SCAPER: variants seen among roughly 807,000 people sequenced by gnomAD.
The protein encoded by SCAPER is S phase cyclin A-associated protein in the endoplasmic reticulum.
A neutral mutation model predicts 182.2 loss-of-function variants in SCAPER; 98 were observed. That is an observed-to-expected ratio of 0.54 (90% CI 0.46 to 0.64). SCAPER has a LOEUF of 0.64. Ranked by LOEUF, SCAPER falls within the 30% of genes least tolerant of loss-of-function variation. The pLI, the probability that SCAPER is intolerant of heterozygous loss-of-function variation, is 0.00. For synonymous variants in SCAPER, 605 were observed against 564.6 expected (o/e 1.07, Z -1.01); for missense variants, 1,432 against 1,690.0 (o/e 0.85, Z 2.68).
chr15:76,575,985 C>T (rs2047791064), intron 22 of SCAPER, among the ~76,000 whole-genome samples: 1 of 152,228 alleles, frequency 6.6e-6, no homozygotes, highest in Admixed American at 6.5e-5. Flanking sequence ...TATCATGTAA[C>T]ATGCTACTTT....
At chr15:76,664,361 G>A (rs1373510761) in intron 21 of SCAPER, among the ~76,000 whole-genome samples, 1 of 152,182 alleles carries the variant, frequency 6.6e-6, no homozygotes, top group Non-Finnish European at 1.5e-5. Flanking sequence ...AACATTTGCA[G>A]TTAGATTGGA....
At chr15:76,884,846 A>G (rs1366834348) in intron 1 of SCAPER, among the ~76,000 whole-genome samples, 1 of 152,244 alleles carries the variant, frequency 6.6e-6, no homozygotes, top group Non-Finnish European at 1.5e-5. Flanking sequence ...ACCAAAAAAA[A>G]GGAAGAAAGT....
intron 1 of SCAPER, among the ~76,000 whole-genome samples, 176 bp from the exon 2 acceptor site, chr15:76,884,052 A>G (rs1181782493): frequency 6.6e-6 from 1 of 152,208 alleles, no homozygotes; most frequent in Non-Finnish European, 1.5e-5. Context: ...CATGCTGAAC[A>G]AGACCTCAGT....
chr15:76,852,299 G>A (rs3110383), intron 4 of SCAPER, among the ~76,000 whole-genome samples: 146,575 of 152,264 alleles, frequency 0.96, 70,787 homozygotes, highest in East Asian at 1. Flanking sequence ...AAATTAACAA[G>A]GATATTCAGG....
chr15:76,357,188 A>ACACACACACACACACACCCC (rs774672151), intron 29 of SCAPER, among the ~76,000 whole-genome samples: 1 of 149,072 alleles, frequency 6.7e-6, no homozygotes, highest in African/African-American at 2.5e-5. Context: ...ACACACACAC[A>ACACACACACACACACACCCC]CCCCTATGGC....
intron 21 of SCAPER, among the ~76,000 whole-genome samples, chr15:76,652,458 C>T (rs1197189260): frequency 9.0e-6 from 1 of 110,820 alleles, no homozygotes; most frequent in African/African-American, 3.6e-5. Context: ...TCGAAACCAG[C>T]CTGGCCAACA....
intron 24 of SCAPER, among the ~76,000 whole-genome samples, chr15:76,493,926 A>G (rs945707163): frequency 3.3e-5 from 5 of 152,226 alleles, no homozygotes; most frequent in African/African-American, 1.2e-4. Context: ...AGCTTGCAAA[A>G]TAATTTTTTA....
At chr15:76,701,494 T>C (rs3816266) in intron 20 of SCAPER, among the ~76,000 whole-genome samples, 1 of 151,994 alleles carries the variant, frequency 6.6e-6, no homozygotes, top group Non-Finnish European at 1.5e-5. Context: ...TCCTGCATTA[T>C]TAAAATATCA....
intron 20 of SCAPER, among the ~76,000 whole-genome samples, chr15:76,666,143 C>T (rs984735621): frequency 6.6e-6 from 1 of 152,000 alleles, no homozygotes; most frequent in Non-Finnish European, 1.5e-5. Context: ...GTTAAGAACC[C>T]GAAGAGGGAA....
intron 2 of SCAPER, among the ~76,000 whole-genome samples, chr15:76,873,534 C>T (rs1189758838): frequency 1.3e-5 from 2 of 152,046 alleles, no homozygotes; most frequent in Non-Finnish European, 2.9e-5. Flanking sequence ...CAAATGTGCA[C>T]ATATCTAACA....
At chr15:76,547,700 C>T (rs1278982425) in intron 23 of SCAPER, among the ~76,000 whole-genome samples, 1 of 150,744 alleles carries the variant, frequency 6.6e-6, no homozygotes, top group Admixed American at 6.6e-5. Flanking sequence ...CATACATCCA[C>T]TCATTGATTG....
At chr15:76,648,980 T>C (rs938867513) in intron 21 of SCAPER, among the ~76,000 whole-genome samples, 1 of 152,224 alleles carries the variant, frequency 6.6e-6, no homozygotes, top group Non-Finnish European at 1.5e-5. Flanking sequence ...ACAGCACACC[T>C]GGTCCAACCA....
chr15:76,494,070 C>T (rs949079064), intron 24 of SCAPER, among the ~76,000 whole-genome samples: 1 of 152,058 alleles, frequency 6.6e-6, no homozygotes, highest in Non-Finnish European at 1.5e-5. Context: ...ATAAATTTTA[C>T]CCTAACTGGC....
chr15:76,789,950 C>T (rs939536596), intron 8 of SCAPER, among the ~76,000 whole-genome samples: 3 of 152,090 alleles, frequency 2.0e-5, no homozygotes, highest in African/African-American at 4.8e-5. Flanking sequence ...TCAATGGGGC[C>T]GGGCGCGGTG....
At chr15:76,813,965 C>T (rs766719609) in intron 5 of SCAPER, among the ~76,000 whole-genome samples, 1 of 152,044 alleles carries the variant, frequency 6.6e-6, no homozygotes, top group African/African-American at 2.4e-5. Context: ...GTCAGGGGTT[C>T]GAGATCCGCC....
rs544921969 is a variant in SCAPER at position 76,642,784 on chromosome 15, T to C, written c.2646-20955A>G. ...CATTCTTTGACATCATCAGTTATATTGTATATGTTTGGACTTTTAGACTCC... is the reference window on the plus strand; with the variant it reads ...CATTCTTTGACATCATCAGTTATATCGTATATGTTTGGACTTTTAGACTCC... On this transcript the variant is annotated intron_variant, in intron 21 of 31. Transcript: ENST00000563290. Among the ~76,000 whole-genome samples, 7 of 152,324 alleles carry C rather than the reference T, an allele frequency of 4.6e-5. No individual in the cohort carries two copies. In the East Asian group the frequency reaches 1.3e-3, roughly 29 times the overall value.
rs144106313 is a variant in SCAPER, at chr15:76,470,578, C to T, written c.3078+634G>A. ...GCTTGAGAGCTATTTTGTGCCAATA[C>T]CTCAGGGGCTTAGAAACTTCACCAG... On this transcript the variant is annotated intron_variant, in intron 25 of 31. Coordinates refer to ENST00000563290, the MANE Select transcript of SCAPER (RefSeq NM_020843.4). 2.7e-3 allele frequency among the ~76,000 whole-genome samples: 413 copies of T among 152,194 alleles called. 4 individuals carry two copies. The highest frequency in any genetic ancestry group is 0.021 in the South Asian group (99 of 4,818).
intron 5 of SCAPER, among the ~76,000 whole-genome samples, chr15:76,830,018 C>T (rs1436743546): frequency 6.6e-6 from 1 of 152,102 alleles, no homozygotes; most frequent in African/African-American, 2.4e-5. Flanking sequence ...AGTTAGGCTC[C>T]CCTGGGAAAG....
rs199586634 is a variant in SCAPER, at chr15:76,434,280, A to G, written c.3109T>C (p.Leu1037=). 1.2e-4 allele frequency: 200 copies of G among 1,612,456 alleles called. No individual in the cohort carries two copies. The highest frequency in any genetic ancestry group is 1.7e-4 in the Admixed American group (10 of 59,716). The change falls in exon 26 of 32, where the codon TTG becomes CTG. Residue 1037 remains leucine, a synonymous_variant. Coordinates refer to ENST00000563290, the MANE Select transcript of SCAPER (RefSeq NM_020843.4). ...VYVPDENNTI[L]GRNTNKQVFE... is the part of the protein sequence containing the mutation. ...ACTTGTTTATTTGTATTTCTCCCCAAAATAGTATTATTTTCATCTGGAACA... is the reference window on the plus strand; with the variant it reads ...ACTTGTTTATTTGTATTTCTCCCCAGAATAGTATTATTTTCATCTGGAACA...
Sources: allele counts gnomAD v4.1 joint callset (sites outside exome capture counted in the v4.1 genomes callset), GRCh38; gene constraint gnomAD v4.1.1; transcripts MANE v1.5; gene names NCBI Gene and HGNC (gene_info 2026-07-23, HGNC 2026-07-21).